Variants in DENND2C observed in about 807,000 individuals in gnomAD.
DENND2C encodes DENN domain-containing protein 2C.
In DENND2C, 72 loss-of-function variants were observed where a neutral mutation model predicts 112.4. That is an observed-to-expected ratio of 0.64 (90% CI 0.53 to 0.78). The LOEUF (loss-of-function observed/expected upper bound fraction) is 0.78, where lower values mean the gene tolerates loss of function less well. Ranked by LOEUF, DENND2C falls within the 30% of genes least tolerant of loss-of-function variation. The pLI, the probability that DENND2C is intolerant of heterozygous loss-of-function variation, is 0.00. For missense variants in DENND2C, 992 were observed against 1,113.8 expected (o/e 0.89, Z 1.56); for synonymous variants, 329 against 381.6 (o/e 0.86, Z 1.61).
intron 2 of DENND2C, among the ~76,000 whole-genome samples, chr1:114,653,086 A>C (rs1441449165): frequency 6.6e-6 from 1 of 152,098 alleles, no homozygotes; most frequent in Non-Finnish European, 1.5e-5. Context: ...CAGTTGTACC[A>C]ATAAAGTTTT....
At chr1:114,648,558 G>C (rs1361169770) in intron 2 of DENND2C, among the ~76,000 whole-genome samples, 5 of 152,148 alleles carry the variant, frequency 3.3e-5, no homozygotes, top group Non-Finnish European at 7.3e-5. Context: ...CAACAGAGAG[G>C]ACTTCTTTAA....
intron 2 of DENND2C, among the ~76,000 whole-genome samples, chr1:114,653,729 T>C (rs895639850): frequency 4.6e-5 from 7 of 152,228 alleles, no homozygotes; most frequent in African/African-American, 1.7e-4. Context: ...TATTTTTCTA[T>C]ATTAAGTAAA....
At chr1:114,635,026 T>TAAAAAAAAAAA (rs374636363) in intron 3 of DENND2C, among the ~76,000 whole-genome samples, 17 of 94,570 alleles carry the variant, frequency 1.8e-4, no homozygotes, top group Non-Finnish European at 3.0e-4. Flanking sequence ...AGACTCCGTC[T>TAAAAAAAAAAA]AAAAAAAAAA....
At position 114,601,503 on chromosome 1, in the gene DENND2C, C is replaced by T; in HGVS notation, c.1815+5G>A. On this transcript the variant is annotated splice_donor_5th_base_variant and intron_variant, in intron 13 of 20. Transcript: ENST00000393274. ...CATTTTTCATACAGCTCATTCTCCA[C>T]TCACCTTTGAAAAAAGATTGAAGCA... 2 of 1,611,098 alleles carry T rather than the reference C, an allele frequency of 1.2e-6. No homozygotes were observed. Among genetic ancestry groups the T allele is most frequent in the South Asian group, 1.1e-5 (1 of 90,488 alleles).
chr1:114,641,787 A>G (rs1656843016), intron 3 of DENND2C, among the ~76,000 whole-genome samples: 1 of 152,134 alleles, frequency 6.6e-6, no homozygotes, highest in Non-Finnish European at 1.5e-5. Flanking sequence ...TAGTCAACAA[A>G]TACTTATGAA....
chr1:114,624,606 G>A (rs1044268143), intron 4 of DENND2C, among the ~76,000 whole-genome samples: 15 of 141,076 alleles, frequency 1.1e-4, no homozygotes, highest in Non-Finnish European at 2.1e-4. Flanking sequence ...AGCTCCTATA[G>A]ATTAATTTTC....
At chr1:114,602,709 G>A (rs1655545996) in intron 11 of DENND2C, among the ~76,000 whole-genome samples, 1 of 152,080 alleles carries the variant, frequency 6.6e-6, no homozygotes, top group Non-Finnish European at 1.5e-5. Flanking sequence ...AACTACAGAT[G>A]TGTGCCACCA....
intron 11 of DENND2C, among the ~76,000 whole-genome samples, chr1:114,603,142 AT>A (rs56355932): frequency 0.87 from 127,286 of 146,694 alleles, 55,574 homozygotes; most frequent in African/African-American, 0.96. Flanking sequence ...AAATAAGTCC[AT>A]TTTTTTTTTT....
intron 13 of DENND2C, 105 bp from the exon 14 acceptor site, chr1:114,601,065 A>G: frequency 8.0e-7 from 1 of 1,247,292 alleles, no homozygotes; most frequent in Non-Finnish European, 1.1e-6. Flanking sequence ...AAATAACCCA[A>G]ATAAAATTTA....
intron 9 of DENND2C, among the ~76,000 whole-genome samples, chr1:114,609,904 A>C (rs560884821): frequency 6.6e-6 from 1 of 152,320 alleles, no homozygotes; most frequent in South Asian, 2.1e-4. Flanking sequence ...AAGTCAAGAA[A>C]ATTTTAGGTC....
intron 7 of DENND2C, among the ~76,000 whole-genome samples, chr1:114,620,309 C>T (rs993882309): frequency 6.6e-6 from 1 of 151,992 alleles, no homozygotes; most frequent in Non-Finnish European, 1.5e-5. Flanking sequence ...TTTTTTTCTC[C>T]TCACTTCTCC....
chr1:114,625,956 A>G lies in DENND2C; in HGVS notation c.29T>C (p.Val10Ala). The G allele has an allele frequency of 6.2e-7, 1 of 1,612,444 alleles. No individual in the cohort carries two copies. Among genetic ancestry groups the G allele is most frequent in the Non-Finnish European group, 8.5e-7 (1 of 1,179,052 alleles). Residue 10 changes from valine to alanine, a missense_variant, in exon 4 of 21, where the codon GTT becomes GCT. By Grantham distance (64) the Val-to-Ala change is moderately conservative. Coordinates refer to ENST00000393274, the MANE Select transcript of DENND2C (RefSeq NM_001256404.2). ...GCAGTGGCTTCTTGACAGTGTCTGA[A>G]CAGTAGTACGAGAAAAACCAACATC... Reference protein sequence around the residue: MDVGFSRTTVQTLSRSHCKN... With the variant: MDVGFSRTTAQTLSRSHCKN...
intron 1 of DENND2C, among the ~76,000 whole-genome samples, chr1:114,662,635 T>A (rs866193684): frequency 1.4e-5 from 2 of 144,444 alleles, no homozygotes; most frequent in Admixed American, 6.9e-5. Context: ...AGTCTAAGAT[T>A]CATAAGAAAA....
intron 3 of DENND2C, among the ~76,000 whole-genome samples, chr1:114,640,975 C>G (rs1245933799): frequency 1.3e-5 from 2 of 152,056 alleles, no homozygotes; most frequent in Non-Finnish European, 2.9e-5. Flanking sequence ...TTACTGATTG[C>G]TATTATTAGC....
rs567988351 is a variant in DENND2C, at chr1:114,654,495, G to T, written c.-317+10C>A. ...TTTTATAGCATTTGTTTCAAAAGGA[G>T]ATAACTTACTTTTTAAAGATTCATC... On this transcript the variant is annotated intron_variant, in intron 2 of 20. Coordinates refer to ENST00000393274, the MANE Select transcript of DENND2C (RefSeq NM_001256404.2). 1.3e-5 allele frequency: 2 copies of T among 152,214 alleles called. No homozygotes were observed. Among genetic ancestry groups the T allele is most frequent in the African/African-American group, 4.8e-5 (2 of 41,532 alleles). The allele number at this position is 152,214 out of a possible 1,614,324, so 9.4% of individuals were successfully genotyped here.
chr1:114,631,497 A>G (rs1656487389), intron 3 of DENND2C, among the ~76,000 whole-genome samples: 1 of 152,084 alleles, frequency 6.6e-6, no homozygotes, highest in South Asian at 2.1e-4. Context: ...ATAGAAGTAG[A>G]ACCGGGCCAG....
chr1:114,624,624 C>T (rs1570783317), intron 4 of DENND2C, among the ~76,000 whole-genome samples: 1 of 126,982 alleles, frequency 7.9e-6, no homozygotes, highest in South Asian at 2.6e-4. Context: ...TTCTTTTTTT[C>T]TTTTTTTTTT....
intron 3 of DENND2C, among the ~76,000 whole-genome samples, chr1:114,632,301 A>G (rs1656512394): frequency 6.6e-6 from 1 of 152,164 alleles, no homozygotes; most frequent in African/African-American, 2.4e-5. Context: ...CCAAAGATCC[A>G]AGAGGCTCAA....
chr1:114,650,791 T>C (rs775334913), intron 2 of DENND2C, among the ~76,000 whole-genome samples: 6 of 151,594 alleles, frequency 4.0e-5, no homozygotes, highest in Non-Finnish European at 7.4e-5. Context: ...AAGCTTAAAA[T>C]CCAGAAGATG....
Sources: gnomAD v4.1 joint callset for allele counts (sites outside exome capture counted in the v4.1 genomes callset) on GRCh38, gnomAD v4.1.1 for gene constraint, MANE v1.5 for transcripts, NCBI Gene and HGNC (gene_info 2026-07-23, HGNC 2026-07-21) for gene names.